Variants in PAPLN observed in about 807,000 individuals in gnomAD.
PAPLN encodes the protein papilin, proteoglycan like sulfated glycoprotein.
A neutral mutation model predicts 159.0 loss-of-function variants in PAPLN; 146 were observed. That is an observed-to-expected ratio of 0.92 (90% CI 0.80 to 1.05). The LOEUF (loss-of-function observed/expected upper bound fraction) is 1.05, where lower values mean the gene tolerates loss of function less well. Among genes scored for constraint, PAPLN ranks in the 50% least tolerant of loss-of-function variants. The probability of loss-of-function intolerance (pLI) is 0.00; values close to 1 mark genes in which losing one functional copy is unlikely to be tolerated. For missense variants in PAPLN, 1,720 were observed against 1,743.9 expected, an observed-to-expected ratio of 0.99 and a Z score of 0.24; for synonymous variants, 734 against 702.9, an observed-to-expected ratio of 1.04 and a Z score of -0.70.
At position 73,246,070 on chromosome 14, in the gene PAPLN, C is replaced by A. The variant is rs769865779; in HGVS notation, c.232-3C>A. 1.9e-6 allele frequency: 3 copies of A among 1,540,640 alleles called. No homozygotes were observed. The highest frequency in any genetic ancestry group is 1.4e-5 in the African/African-American group (1 of 70,710). ...GGATCCCGACTTCCCCTCCGCCCCGCAGAGCTGCCCCGACGGCGCCCGGGA... is the reference window on the plus strand; with the variant it reads ...GGATCCCGACTTCCCCTCCGCCCCGAAGAGCTGCCCCGACGGCGCCCGGGA... On this transcript the variant is annotated splice_polypyrimidine_tract_variant and splice_region_variant and intron_variant, in intron 4 of 26. Coordinates refer to ENST00000644200, the MANE Select transcript of PAPLN (RefSeq NM_001365906.3).
rs917850334 is a variant in PAPLN at position 73,274,109 on chromosome 14, A to G, written c.*1445A>G. 3.9e-5 allele frequency: 6 copies of G among 152,288 alleles called. No homozygotes were observed. Among genetic ancestry groups the G allele is most frequent in the Admixed American group, 2.6e-4 (4 of 15,292 alleles). 9.4% of individuals were successfully genotyped at this position (152,288 alleles called of 1,614,324 possible). On this transcript the variant is annotated 3_prime_UTR_variant, in exon 27 of 27. Coordinates refer to ENST00000644200, the MANE Select transcript of PAPLN (RefSeq NM_001365906.3). ...AAGCAAAATGTTTGCTGCCAAAGAC[A>G]AATCAGACTGTCAGTCATTAAAAAC...
Position 73,245,838 on chromosome 14 carries a change from C to T in PAPLN, c.231+142C>T, listed in dbSNP as rs1299713020. The T allele has an allele frequency of 1.7e-6, 2 of 1,156,504 alleles. No individual in the cohort carries two copies. Among genetic ancestry groups the T allele is most frequent in the East Asian group, 2.6e-5 (1 of 38,804 alleles). 71.6% of individuals were successfully genotyped at this position (1,156,504 alleles called of 1,614,324 possible). On this transcript the variant is annotated intron_variant, in intron 4 of 26. Transcript: ENST00000644200. The surrounding 1 kb of genome is among the most constrained non-coding windows in gnomAD (Gnocchi z 4.2). ...CTCCCGCCAATCCACAGCAGGGCTG[C>T]GTGGGGGCCCCTTCCTCACCCTGCT...
chr14:73,246,464 G>C (rs177404), intron 5 of PAPLN, among the ~76,000 whole-genome samples: 109,520 of 139,304 alleles, frequency 0.79, 43,156 homozygotes, highest in African/African-American at 0.92. Flanking sequence ...AGGAAATCTT[G>C]TAGACCACAG....
At chr14:73,252,341 A>G (rs1215885494) in intron 10 of PAPLN, among the ~76,000 whole-genome samples, 200 bp downstream of exon 10, 1 of 152,174 alleles carries the variant, frequency 6.6e-6, no homozygotes, top group Non-Finnish European at 1.5e-5. Context: ...CCCCAGCCTA[A>G]GCGAATAGAA....
At chr14:73,249,307 ATAGTCT>A (rs1884956222) in intron 5 of PAPLN, among the ~76,000 whole-genome samples, 1 of 152,142 alleles carries the variant, frequency 6.6e-6, no homozygotes, top group Admixed American at 6.5e-5. Flanking sequence ...CCCACACCAT[ATAGTCT>A]TCACAATCAT....
intron 21 of PAPLN, 119 bp from the exon 22 acceptor site, chr14:73,264,469 G>T: frequency 6.6e-7 from 1 of 1,520,066 alleles, no homozygotes; most frequent in Non-Finnish European, 8.9e-7. Context: ...CCTCCTGCTG[G>T]CAGGGACCAC....
At chr14:73,244,514 TGG>T (rs1883968291) in intron 2 of PAPLN, 128 bp from the exon 3 acceptor site, 1 of 718,756 alleles carries the variant, frequency 1.4e-6, no homozygotes, top group Non-Finnish European at 2.4e-6. Context: ...GTCCTAAAGG[TGG>T]GCCCTGGAAG....
At chr14:73,263,356 G>A (rs1886796537) in intron 19 of PAPLN, 3 of 534,582 alleles carry the variant, frequency 5.6e-6, no homozygotes, top group Admixed American at 6.3e-5. Context: ...AACCTGGTGT[G>A]TGCCGTCCCT....
At chr14:73,256,503 A>T (rs1885921604) in intron 14 of PAPLN, among the ~76,000 whole-genome samples, 1 of 140,164 alleles carries the variant, frequency 7.1e-6, no homozygotes, top group Non-Finnish European at 1.5e-5. Context: ...TTGAACTCCA[A>T]CCTGAGCAAC....
chr14:73,254,940 A>G lies in PAPLN; in HGVS notation c.1549A>G (p.Ser517Gly). ...RQVICAIGPP[S>G]HCGSLQHSKP... is the part of the protein sequence containing the mutation. The stretch of plus-strand genomic sequence containing the variant: ...GGTCATCTGTGCCATTGGGCCGCCC[A>G]GCCACTGCGGGAGCCTGCAGCACTC... Residue 517 changes from serine (S) to glycine (G), a missense_variant, in exon 14 of 27, where the codon AGC becomes GGC. Ser to Gly is a moderately conservative substitution (Grantham distance 56). Coordinates refer to ENST00000644200, the MANE Select transcript of PAPLN (RefSeq NM_001365906.3). 2 of 1,613,580 alleles carry G rather than the reference A, an allele frequency of 1.2e-6. No individual in the cohort carries two copies. The highest frequency in any genetic ancestry group is 1.7e-6 in the Non-Finnish European group (2 of 1,179,986).
intron 18 of PAPLN, chr14:73,262,135 C>T: frequency 1.9e-6 from 1 of 523,188 alleles, no homozygotes; most frequent in East Asian, 3.2e-5. Context: ...TGGGTGAAGG[C>T]TGCTGTGGCA....
intron 11 of PAPLN, chr14:73,253,109 G>T (rs945943244): frequency 2.2e-5 from 31 of 1,398,518 alleles, no homozygotes; most frequent in Non-Finnish European, 2.8e-5. Flanking sequence ...TGGGCCAGGG[G>T]TCAGGCCAAA....
chr14:73,268,237 A>G (rs936485292), intron 25 of PAPLN: 8 of 261,552 alleles, frequency 3.1e-5, no homozygotes, highest in African/African-American at 8.9e-5. Flanking sequence ...CTGACACACT[A>G]TCTGGGTCTG....
intron 26 of PAPLN, among the ~76,000 whole-genome samples, chr14:73,271,929 A>G (rs1242970301): frequency 6.6e-6 from 1 of 152,214 alleles, no homozygotes; most frequent in African/African-American, 2.4e-5. Context: ...CTGTTTTCCT[A>G]TTACCTTGTC....
intron 26 of PAPLN, among the ~76,000 whole-genome samples, chr14:73,270,982 C>T (rs1887666047): frequency 6.6e-6 from 1 of 152,176 alleles, no homozygotes; most frequent in South Asian, 2.1e-4. Flanking sequence ...GGACATAGCT[C>T]TACTGGGAGG....
chr14:73,261,417 A>C, intron 18 of PAPLN, 123 bp downstream of exon 18: 10 of 1,339,146 alleles, frequency 7.5e-6, no homozygotes, highest in African/African-American at 1.5e-5. Context: ...CCTACCACAA[A>C]TGTTGATTGC....
At chr14:73,258,041 G>A (rs764787613) in intron 14 of PAPLN, among the ~76,000 whole-genome samples, 43 of 151,998 alleles carry the variant, frequency 2.8e-4, no homozygotes, top group Non-Finnish European at 3.8e-4. Flanking sequence ...CTGGGATTGC[G>A]GGCGGGAGCC....
chr14:73,259,798 AAC>A (rs1221123401), intron 16 of PAPLN, among the ~76,000 whole-genome samples: 2 of 152,252 alleles, frequency 1.3e-5, no homozygotes, highest in Admixed American at 6.5e-5. Context: ...AGCGTGTGGA[AAC>A]ACAGCCTGAG....
chr14:73,265,538 T>C lies in PAPLN; in HGVS notation c.3263+31T>C, dbSNP rs1887134223. 6.2e-7 allele frequency: 1 copy of C among 1,607,456 alleles called. No homozygotes were observed. Among genetic ancestry groups the C allele is most frequent in the South Asian group, 1.1e-5 (1 of 90,090 alleles). ...TTTGACTCCTCTCCCCTTCCTCCTA[T>C]TCTGCCTCCAGCCCCACCTTATCCT... On this transcript the variant is annotated intron_variant, in intron 23 of 26. Coordinates refer to ENST00000644200, the MANE Select transcript of PAPLN (RefSeq NM_001365906.3). The surrounding 1 kb of genome is among the most constrained non-coding windows in gnomAD (Gnocchi z 4.1).
Sources: allele counts gnomAD v4.1 joint callset (sites outside exome capture counted in the v4.1 genomes callset), GRCh38; gene constraint gnomAD v4.1.1; non-coding constraint Gnocchi (gnomAD v3.1); transcripts MANE v1.5; gene names NCBI Gene and HGNC (gene_info 2026-07-23, HGNC 2026-07-21).